The following DAB1 variants were observed in gnomAD, a reference collection of about 807,000 sequenced individuals.
The protein encoded by DAB1 is disabled homolog 1.
Under a neutral mutation model 64.6 loss-of-function variants are expected in DAB1, and 15 were observed. The ratio of observed to expected loss-of-function variants is 0.23; its 90% CI spans 0.16 to 0.36. The LOEUF (loss-of-function observed/expected upper bound fraction) is 0.36. Ranked by LOEUF, DAB1 falls within the 10% of genes least tolerant of loss-of-function variation. DAB1 has a pLI of 1.00. For missense variants in DAB1, 596 were observed against 706.7 expected (o/e 0.84, Z 1.78); for synonymous variants, 235 against 251.9 (o/e 0.93, Z 0.64).
intron 10 of DAB1, among the ~76,000 whole-genome samples, chr1:57,025,653 T>C (rs1002941706): frequency 2.0e-5 from 3 of 152,220 alleles, no homozygotes; most frequent in Non-Finnish European, 4.4e-5. Flanking sequence ...GATGTGCCCC[T>C]TGTAGTCAGG....
chr1:58,175,306 G>A (rs190874965), intron 4 of DAB1, among the ~76,000 whole-genome samples: 91 of 152,220 alleles, frequency 6.0e-4, no homozygotes, highest in Non-Finnish European at 8.5e-4. Context: ...TGTAGTCAGC[G>A]AGACCACGAA....
intron 1 of DAB1, among the ~76,000 whole-genome samples, chr1:57,355,874 ACACACACACACACACACACACACACAC>A (rs1679058294): frequency 1.7e-4 from 1 of 6,040 alleles, no homozygotes; most frequent in Non-Finnish European, 3.8e-4. Flanking sequence ...ACCTCAATAA[ACACACACACACACACACACACACACAC>A]ACACACACAC....
At position 57,892,554 on chromosome 1, in the gene DAB1, T is replaced by C. The variant is rs117716450; in HGVS notation, n.388-8392A>G. ...AACTTATCCAGGTTCACTCAGCTGG[T>C]AAATAGTGGACTTTGGCTTAAACTC... On this transcript the variant is annotated intron_variant and non_coding_transcript_variant, in intron 5 of 20. Transcript: ENST00000485760. Among the ~76,000 whole-genome samples the C allele has an allele frequency of 4.1e-4, 62 of 152,336 alleles. 2 individuals are homozygous for C. The East Asian group carries it at 0.012, about 28-fold the overall frequency.
intron 1 of DAB1, among the ~76,000 whole-genome samples, chr1:57,829,602 G>A (rs1240798319): frequency 2.0e-5 from 3 of 152,128 alleles, no homozygotes; most frequent in African/African-American, 7.2e-5. Flanking sequence ...AGAGCTTCTT[G>A]CCAGGTGACA....
intron 5 of DAB1, among the ~76,000 whole-genome samples, chr1:58,000,853 G>A (rs371687206): frequency 6.1e-4 from 92 of 151,882 alleles, no homozygotes; most frequent in African/African-American, 2.0e-3. Flanking sequence ...TTACAGGTAC[G>A]AGCCACCACA....
intron 1 of DAB1, among the ~76,000 whole-genome samples, chr1:57,421,445 GA>G (rs1684874929): frequency 6.6e-6 from 1 of 152,118 alleles, no homozygotes; most frequent in African/African-American, 2.4e-5. Context: ...TCTGCTTTAG[GA>G]AGAGATTTAA....
chr1:57,389,446 G>A (rs866249021), intron 1 of DAB1, among the ~76,000 whole-genome samples: 16 of 152,092 alleles, frequency 1.1e-4, no homozygotes, highest in African/African-American at 3.4e-4. Context: ...ACAGTAACAC[G>A]GGACTGCTTT....
At chr1:57,731,353 G>A (rs1172375468) in intron 6 of DAB1, among the ~76,000 whole-genome samples, 1 of 152,168 alleles carries the variant, frequency 6.6e-6, no homozygotes, top group Non-Finnish European at 1.5e-5. Context: ...AATGAGTACA[G>A]AGTATCAGTT....
At chr1:57,184,607 G>A (rs75467249) in intron 2 of DAB1, among the ~76,000 whole-genome samples, 1,750 of 152,220 alleles carry the variant, frequency 0.011, 27 homozygotes, top group African/African-American at 0.038. Context: ...ACACGGTGAC[G>A]ACATTTCCAT....
chr1:58,094,998 G>GAC (rs970260137), intron 5 of DAB1, among the ~76,000 whole-genome samples: 6 of 152,112 alleles, frequency 3.9e-5, no homozygotes, highest in Non-Finnish European at 7.4e-5. Flanking sequence ...AGGTTTTTGG[G>GAC]ACCTTACAGT....
rs142074584 is a variant in DAB1, at chr1:57,939,000, A to G, written n.388-54838T>C. Among the ~76,000 whole-genome samples the G allele has an allele frequency of 2.9e-3, 437 of 152,226 alleles. 1 individual carries two copies. Among genetic ancestry groups the G allele is most frequent in the African/African-American group, 0.01 (425 of 41,534 alleles). ...TTCAAACAAATTTCTAATAAGGTCA[A>G]TATCTTAGTTTGGACTACTACAGCA... is the stretch of plus-strand genomic sequence containing the variant. On this transcript the variant is annotated intron_variant and non_coding_transcript_variant, in intron 5 of 20. Transcript: ENST00000485760.
intron 1 of DAB1, among the ~76,000 whole-genome samples, chr1:57,361,299 A>G (rs758311410): frequency 2.6e-5 from 4 of 152,174 alleles, no homozygotes; most frequent in Non-Finnish European, 5.9e-5. Context: ...GAGCAGAAAG[A>G]GATGAAGCTG....
intron 5 of DAB1, among the ~76,000 whole-genome samples, chr1:58,076,996 T>C (rs1649692080): frequency 6.6e-6 from 1 of 152,196 alleles, no homozygotes; most frequent in South Asian, 2.1e-4. Flanking sequence ...AACATCAGAC[T>C]GTGTCTTATT....
In DAB1 at chr1:57,071,005, A is replaced by T. The variant is rs776647567; in HGVS notation, c.597+18T>A. On this transcript the variant is annotated intron_variant, in intron 7 of 14. Transcript: ENST00000371236. The stretch of plus-strand genomic sequence containing the variant: ...AGTCACTCTTGAATCTAAAACCCCG[A>T]CTAGTTTCAGAAATTACCTGGTACA... 2.5e-6 allele frequency: 4 copies of T among 1,607,356 alleles called. No homozygotes were observed. The East Asian group carries it at 8.9e-5, about 36-fold the overall frequency.
At chr1:57,896,071 C>A (rs1407061821) in intron 5 of DAB1, among the ~76,000 whole-genome samples, 1 of 152,142 alleles carries the variant, frequency 6.6e-6, no homozygotes, top group Non-Finnish European at 1.5e-5. Flanking sequence ...AGGAAAGTGC[C>A]TGGCACACAA....
At chr1:58,435,434 C>T (rs1029228520) in intron 3 of DAB1, among the ~76,000 whole-genome samples, 23 of 152,176 alleles carry the variant, frequency 1.5e-4, no homozygotes, top group African/African-American at 5.1e-4. Context: ...TGCATTATAG[C>T]TGTTTCCCAC....
chr1:57,296,038 C>G (rs1426645083), intron 1 of DAB1, among the ~76,000 whole-genome samples: 1 of 152,126 alleles, frequency 6.6e-6, no homozygotes, highest in African/African-American at 2.4e-5. Context: ...AGAGCAGCAG[C>G]AAGCAAATTC....
At chr1:57,514,000 C>T (rs1348666378) in intron 7 of DAB1, among the ~76,000 whole-genome samples, 1 of 152,200 alleles carries the variant, frequency 6.6e-6, no homozygotes, top group Admixed American at 6.5e-5. Flanking sequence ...TCAGGTTCAA[C>T]CAAGTTGTCA....
intron 3 of DAB1, among the ~76,000 whole-genome samples, chr1:58,464,591 TTC>T (rs1450013877): frequency 6.6e-6 from 1 of 152,242 alleles, no homozygotes; most frequent in African/African-American, 2.4e-5. Flanking sequence ...GTTATTTAAC[TTC>T]TCTGAGTTCC....
Sources: gnomAD v4.1 joint callset for allele counts (sites outside exome capture counted in the v4.1 genomes callset) on GRCh38, gnomAD v4.1.1 for gene constraint, MANE v1.5 for transcripts, NCBI Gene and HGNC (gene_info 2026-07-23, HGNC 2026-07-21) for gene names.